The following ULBP3 variants were observed in gnomAD, a reference collection of about 807,000 sequenced individuals.
ULBP3 encodes UL16 binding protein 3.
Under a neutral mutation model 24.9 loss-of-function variants are expected in ULBP3, and 25 were observed. The observed-to-expected ratio is 1.00, with a 90% CI of 0.73 to 1.40. ULBP3 has a LOEUF of 1.40. Ranked by LOEUF, ULBP3 falls within the 40% of genes most tolerant of loss-of-function variation. The pLI is 0.00. For missense variants in ULBP3, 306 were observed against 307.5 expected (o/e 1.00, Z 0.04); for synonymous variants, 114 against 114.7 (o/e 0.99, Z 0.04).
chr6:150,061,053 T>A lies in ULBP3; in HGVS notation c.*2321A>T, dbSNP rs527989133. 6.6e-6 allele frequency among the ~76,000 whole-genome samples: 1 copy of A among 150,438 alleles called. No homozygotes were observed. Among genetic ancestry groups the A allele is most frequent in the South Asian group, 2.1e-4 (1 of 4,790 alleles). ...ACAAGATGGAAATGGAAATCTTGTATAATTTCATTATGCAGTGTTTAATTT... is the reference window on the plus strand; with the variant it reads ...ACAAGATGGAAATGGAAATCTTGTAAAATTTCATTATGCAGTGTTTAATTT... On this transcript the variant is annotated 3_prime_UTR_variant, in exon 5 of 5. Transcript: ENST00000367339.
chr6:150,066,159 G>C lies in ULBP3; in HGVS notation c.92C>G (p.Ala31Gly), dbSNP rs569651856. 1 of 1,612,030 alleles carries C rather than the reference G, an allele frequency of 6.2e-7. No homozygotes were observed. Among genetic ancestry groups the C allele is most frequent in the African/African-American group, 1.3e-5 (1 of 74,794 alleles). ...FDWSGTGRAD[A>G]HSLWYNFTII... Reference sequence around the variant, plus strand: ...GGTGAAGTTATACCAGAGAGAGTGAGCGTCTAAGGAAAAAAAAAAAAAACA... The same window carrying C: ...GGTGAAGTTATACCAGAGAGAGTGACCGTCTAAGGAAAAAAAAAAAAAACA... Residue 31 changes from alanine to glycine, a missense_variant, in exon 2 of 5, where the codon GCT becomes GGT. By Grantham distance (60) the Ala-to-Gly change is moderately conservative. Transcript: ENST00000367339.
intron 1 of ULBP3, 91 bp from the exon 2 acceptor site, chr6:150,066,253 G>T: frequency 1.4e-6 from 2 of 1,405,432 alleles, no homozygotes; most frequent in Non-Finnish European, 1.9e-6. Context: ...TGAAGGGCTG[G>T]GCTGGCAGAG....
In ULBP3 at chr6:150,061,268, A is replaced by C. The variant is rs1393675008; in HGVS notation, c.*2106T>G. Among the ~76,000 whole-genome samples the C allele has an allele frequency of 6.6e-6, 1 of 152,166 alleles. No individual in the cohort carries two copies. The highest frequency in any genetic ancestry group is 6.5e-5 in the Admixed American group (1 of 15,280). On this transcript the variant is annotated 3_prime_UTR_variant, in exon 5 of 5. Transcript: ENST00000367339. ...ATTTTATTTTACTTACGAATCTTTA[A>C]TTTTAACCTTTATTATAGATTAAAG... is the stretch of plus-strand genomic sequence containing the variant.
rs954577035 is a variant in ULBP3, at chr6:150,065,751, A to C, written c.353-78T>G. 3.8e-6 allele frequency: 6 copies of C among 1,587,462 alleles called. No individual in the cohort carries two copies. In the African/African-American group the frequency reaches 6.7e-5, roughly 18 times the overall value. On this transcript the variant is annotated intron_variant, in intron 2 of 4. Coordinates refer to ENST00000367339, the MANE Select transcript of ULBP3 (RefSeq NM_024518.3). ...TCCCACATCCTCCTATGCTGAGACC[A>C]TTCTCATCTGGTCCTGTTGTCTCCT...
intron 4 of ULBP3, among the ~76,000 whole-genome samples, chr6:150,063,959 C>T (rs1776309211): frequency 6.6e-6 from 1 of 152,180 alleles, no homozygotes; most frequent in Non-Finnish European, 1.5e-5. Flanking sequence ...CGTCCCAGGG[C>T]CTAGCCAGGA....
At chr6:150,066,466 G>A (rs78848355) in intron 1 of ULBP3, among the ~76,000 whole-genome samples, 2,554 of 152,306 alleles carry the variant, frequency 0.017, 89 homozygotes, top group Admixed American at 0.072. Context: ...CAAGAGGCGG[G>A]AGAGTGTGGG....
intron 3 of ULBP3, 39 bp downstream of exon 3, chr6:150,065,359 G>A (rs745491892): frequency 6.2e-7 from 1 of 1,609,046 alleles, no homozygotes; most frequent in East Asian, 2.2e-5. Context: ...TAACTCGATG[G>A]CATCTCCAAC....
intron 4 of ULBP3, 69 bp from the exon 5 acceptor site, chr6:150,063,420 T>C (rs992883464): frequency 1.5e-5 from 12 of 792,012 alleles, no homozygotes; most frequent in South Asian, 5.7e-5. Context: ...TGGGTGATCC[T>C]TCCCAGGCCC....
In ULBP3 at chr6:150,064,572, T is replaced by C. The variant is rs781226692; in HGVS notation, c.*22+13A>G. 1.2e-6 allele frequency: 2 copies of C among 1,608,902 alleles called. No individual in the cohort carries two copies. Among genetic ancestry groups the C allele is most frequent in the African/African-American group, 2.7e-5 (2 of 74,826 alleles). ...TCTGTCTCTCGTTCCCCTCACAGTTTTGCCCACAGTACCTGTCACTCTAAA... is the reference window on the plus strand; with the variant it reads ...TCTGTCTCTCGTTCCCCTCACAGTTCTGCCCACAGTACCTGTCACTCTAAA... On this transcript the variant is annotated intron_variant, in intron 4 of 4. Transcript: ENST00000367339.
intron 1 of ULBP3, among the ~76,000 whole-genome samples, chr6:150,066,786 G>C (rs1413250579): frequency 6.6e-6 from 1 of 152,172 alleles, no homozygotes; most frequent in Non-Finnish European, 1.5e-5. Context: ...AAGCCTGGAA[G>C]ACTCCTGTTT....
intron 4 of ULBP3, among the ~76,000 whole-genome samples, chr6:150,064,125 C>T (rs1776311596): frequency 2.6e-5 from 4 of 152,326 alleles, no homozygotes; most frequent in Admixed American, 6.5e-5. Flanking sequence ...GCCCCCTCGT[C>T]CTGGGATTCC....
chr6:150,064,783 C>T, intron 3 of ULBP3, 70 bp from the exon 4 acceptor site: 2 of 1,510,376 alleles, frequency 1.3e-6, no homozygotes, highest in South Asian at 1.2e-5. Flanking sequence ...TCCTTAGCTC[C>T]TGCTACCCCA....
chr6:150,068,989 C>G lies in ULBP3; in HGVS notation c.78G>C (p.Thr26=), dbSNP rs544958302. ...CATCCCCGAACTCACCGGCCCGCCC[C>G]GTCCCGGACCAGTCGAATAGCAGGT... The part of the protein sequence containing the change: ...LPYLLFDWSG[T]GRADAHSLWY... The change falls in exon 1 of 5, where the codon ACG becomes ACC. Residue 26 remains threonine (T), a synonymous_variant. Transcript: ENST00000367339. The G allele has an allele frequency of 8.1e-6, 13 of 1,609,738 alleles. No individual in the cohort carries two copies. Among genetic ancestry groups the G allele is most frequent in the Non-Finnish European group, 1.1e-5 (13 of 1,177,510 alleles).
At chr6:150,068,668 G>A (rs1776382752) in intron 1 of ULBP3, among the ~76,000 whole-genome samples, 2 of 152,206 alleles carry the variant, frequency 1.3e-5, no homozygotes, top group African/African-American at 4.8e-5. Context: ...TCTCCTTCCC[G>A]AGGACGAGTG....
rs1776299063 is a variant in ULBP3, at chr6:150,063,287, G to A, written c.*87C>T. The A allele has an allele frequency of 2.2e-6, 2 of 917,418 alleles. No homozygotes were observed. The highest frequency in any genetic ancestry group is 2.6e-6 in the Non-Finnish European group (2 of 768,016). The allele number at this position is 917,418 out of a possible 1,614,324, so 56.8% of individuals were successfully genotyped here. A position where few individuals can be genotyped will look rare whatever the true frequency, so the allele number is the denominator to read the frequency against. On this transcript the variant is annotated 3_prime_UTR_variant, in exon 5 of 5. Transcript: ENST00000367339. ...AGGCACAGTGGTGAGTAGACAGGCG[G>A]CCTCCCTGAAGGGAGAGCAGGAACC...
At position 150,065,429 on chromosome 6, in the gene ULBP3, C is replaced by T. The variant is rs1776330692; in HGVS notation, c.597G>A (p.Leu199=). 1 of 1,614,180 alleles carries T rather than the reference C, an allele frequency of 6.2e-7. No homozygotes were observed. The highest frequency in any genetic ancestry group is 8.5e-7 in the Non-Finnish European group (1 of 1,180,010). Reference sequence around the variant, plus strand: ...GTTCCAGCCTCTTCTTCCTGTGCATCAGGAAGTCCCTAAGCCAGCTCTTGC... The same window carrying T: ...GTTCCAGCCTCTTCTTCCTGTGCATTAGGAAGTCCCTAAGCCAGCTCTTGC... ...RDCKSWLRDF[L]MHRKKRLEPT... is the part of the protein sequence containing the mutation. Residue 199 remains leucine, a synonymous_variant, in exon 3 of 5, where the codon CTG becomes CTA. Coordinates refer to ENST00000367339, the MANE Select transcript of ULBP3 (RefSeq NM_024518.3).
Position 150,062,406 on chromosome 6 carries a change from T to A in ULBP3, c.*968A>T, listed in dbSNP as rs1314451397. Among the ~76,000 whole-genome samples the A allele has an allele frequency of 6.6e-6, 1 of 152,182 alleles. No individual in the cohort carries two copies. The highest frequency in any genetic ancestry group is 2.4e-5 in the African/African-American group (1 of 41,452). On this transcript the variant is annotated 3_prime_UTR_variant, in exon 5 of 5. Transcript: ENST00000367339. ...CAATCTCTACCTAAATATAAAACAA[T>A]TTGCCAGGCATGGTGGCATGCGCCT...
At chr6:150,068,685 C>T (rs763241017) in intron 1 of ULBP3, among the ~76,000 whole-genome samples, 1 of 152,192 alleles carries the variant, frequency 6.6e-6, no homozygotes, top group Non-Finnish European at 1.5e-5. Context: ...AGTGGGGCTG[C>T]GGGGTTGCAC....
intron 1 of ULBP3, among the ~76,000 whole-genome samples, chr6:150,067,106 C>T (rs1776358265): frequency 6.6e-6 from 1 of 152,128 alleles, no homozygotes; most frequent in Admixed American, 6.5e-5. Flanking sequence ...ATGGAGACTC[C>T]ACCCGGATAC....
Sources: allele counts gnomAD v4.1 joint callset (sites outside exome capture counted in the v4.1 genomes callset), GRCh38; gene constraint gnomAD v4.1.1; transcripts MANE v1.5; gene names NCBI Gene and HGNC (gene_info 2026-07-23, HGNC 2026-07-21).